Variants in LARGE1 observed in about 807,000 individuals in gnomAD.
LARGE1 encodes the protein xylosyl- and glucuronyltransferase LARGE1.
A neutral mutation model predicts 87.6 loss-of-function variants in LARGE1; 43 were observed. That is an observed-to-expected ratio of 0.49 (90% CI 0.38 to 0.63). LARGE1 has a LOEUF of 0.63. Ranked by LOEUF, LARGE1 falls within the 30% of genes least tolerant of loss-of-function variation. LARGE1 has a pLI of 0.00. For synonymous variants in LARGE1, 434 were observed against 394.6 expected, an observed-to-expected ratio of 1.10 and a Z score of -1.18; for missense variants, 802 against 1,000.2, an observed-to-expected ratio of 0.80 and a Z score of 2.67.
rs2077234099 is a variant in LARGE1, at chr22:33,542,228, CAG to C, written c.787+22618_787+22619del. Among the ~76,000 whole-genome samples, 23 of 151,634 alleles carry C rather than the reference CAG, an allele frequency of 1.5e-4. 1 individual carries two copies. Among genetic ancestry groups the C allele is most frequent in the African/African-American group, 5.6e-4 (23 of 41,348 alleles). ...TTGTAACTGCTACCAGATCTGTCTC[CAG>C]AGATATAGACTACAATCTAGCATGA... On this transcript the variant is annotated intron_variant, in intron 6 of 14. Transcript: ENST00000397394.
intron 6 of LARGE1, among the ~76,000 whole-genome samples, chr22:33,517,317 G>A (rs544875332): frequency 2.0e-5 from 3 of 152,070 alleles, no homozygotes; most frequent in Admixed American, 6.6e-5. Context: ...TACTAAAGAC[G>A]CACTCTAACC....
At chr22:33,115,644 C>T in the LARGE1 span, among the ~76,000 whole-genome samples, 15 of 151,674 alleles carry the variant, frequency 9.9e-5, no homozygotes, top group East Asian at 1.4e-3. Flanking sequence ...GGTGAAACCT[C>T]GTCTCTACTA....
In LARGE1 at chr22:33,304,570, T is replaced by C. The variant is rs1934616567; in HGVS notation, c.1452-63A>G. 3.4e-6 allele frequency: 5 copies of C among 1,480,536 alleles called. No individual in the cohort carries two copies. In the South Asian group the frequency reaches 6.6e-5, roughly 19 times the overall value. The allele number at this position is 1,480,536 out of a possible 1,614,324, so 91.7% of individuals were successfully genotyped here. A position where few individuals can be genotyped will look rare whatever the true frequency, so the allele number is the denominator to read the frequency against. The stretch of plus-strand genomic sequence containing the variant: ...CCATCCATGCATCATCCGCCGGGCC[T>C]GTTGTGGGGCTCTGCCTCCAGTGAC... On this transcript the variant is annotated intron_variant, in intron 11 of 14. Transcript: ENST00000397394.
intron 7 of LARGE1, among the ~76,000 whole-genome samples, chr22:33,421,600 G>A (rs1324605324): frequency 6.6e-6 from 1 of 152,218 alleles, no homozygotes; most frequent in Non-Finnish European, 1.5e-5. Context: ...CATTTACTGA[G>A]CATTTACTAT....
At chr22:33,490,667 C>T (rs1038092058) in intron 6 of LARGE1, among the ~76,000 whole-genome samples, 3 of 152,160 alleles carry the variant, frequency 2.0e-5, no homozygotes, top group African/African-American at 7.2e-5. Context: ...TACAGCTTCC[C>T]GGCTCACTAA....
At chr22:33,140,305 C>T in the LARGE1 span, among the ~76,000 whole-genome samples, 3 of 151,728 alleles carry the variant, frequency 2.0e-5, no homozygotes, top group Non-Finnish European at 4.4e-5. Flanking sequence ...AGCAGTGCTC[C>T]ATCATACAGA....
At chr22:33,456,194 A>G (rs1486279242) in intron 6 of LARGE1, among the ~76,000 whole-genome samples, 1 of 152,174 alleles carries the variant, frequency 6.6e-6, no homozygotes, top group Non-Finnish European at 1.5e-5. Flanking sequence ...TAATATTTCC[A>G]CAGAACAACC....
chr22:33,347,940 A>G (rs1233629961), intron 9 of LARGE1, among the ~76,000 whole-genome samples: 1 of 152,220 alleles, frequency 6.6e-6, no homozygotes, highest in Non-Finnish European at 1.5e-5. Context: ...GAGTCACCTT[A>G]CCAATGAAGA....
rs149179070 is a variant in LARGE1 at position 33,383,447 on chromosome 22, C to T, written c.1005+745G>A. 1.8e-3 allele frequency among the ~76,000 whole-genome samples: 280 copies of T among 152,120 alleles called. 1 individual carries two copies. Among genetic ancestry groups the T allele is most frequent in the African/African-American group, 6.4e-3 (266 of 41,506 alleles). ...TGGTGCTGCACGCCTGTAATCCTAG[C>T]GACTTGGGAGGCTGAGGCAGGAGAA... is the stretch of plus-strand genomic sequence containing the variant. On this transcript the variant is annotated intron_variant, in intron 8 of 14. Transcript: ENST00000397394.
intron 6 of LARGE1, among the ~76,000 whole-genome samples, chr22:33,519,227 T>TAC (rs543495623): frequency 0.12 from 15,969 of 135,960 alleles, 856 homozygotes; most frequent in East Asian, 0.19. Context: ...GCTGCGTGCG[T>TAC]GCGCGCGCGT....
intron 6 of LARGE1, among the ~76,000 whole-genome samples, chr22:33,553,844 C>T (rs1227166159): frequency 6.6e-6 from 1 of 152,132 alleles, no homozygotes. Context: ...AGATGTCTTT[C>T]CTCCCCCTTG....
chr22:33,726,567 G>A (rs990118734), intron 2 of LARGE1, among the ~76,000 whole-genome samples: 1 of 152,140 alleles, frequency 6.6e-6, no homozygotes, highest in South Asian at 2.1e-4. Flanking sequence ...AATGTCTTAT[G>A]ATATACTCCT....
intron 6 of LARGE1, among the ~76,000 whole-genome samples, chr22:33,542,026 G>A (rs1009341908): frequency 3.4e-4 from 52 of 151,986 alleles, no homozygotes; most frequent in African/African-American, 1.2e-3. Flanking sequence ...GCTGGGTGTG[G>A]TGGCGGCTGC....
At chr22:33,130,842 G>C in the LARGE1 span, among the ~76,000 whole-genome samples, 3 of 151,932 alleles carry the variant, frequency 2.0e-5, 1 homozygote, top group Admixed American at 1.3e-4. Flanking sequence ...TCAGGAGATA[G>C]AGACCACGGT....
chr22:33,230,792 A>G (rs547785337), intron 11 of LARGE1, among the ~76,000 whole-genome samples: 2 of 152,364 alleles, frequency 1.3e-5, no homozygotes, highest in Non-Finnish European at 2.9e-5. Flanking sequence ...AGGTAAGTTC[A>G]TAATAATTAT....
intron 2 of LARGE1, among the ~76,000 whole-genome samples, chr22:33,676,170 A>C (rs1052377851): frequency 1.2e-4 from 18 of 152,162 alleles, no homozygotes; most frequent in African/African-American, 4.3e-4. Flanking sequence ...TGCTCACTAT[A>C]CCGGCTGCAG....
At chr22:33,753,632 T>C (rs1196870390) in intron 2 of LARGE1, among the ~76,000 whole-genome samples, 3 of 152,190 alleles carry the variant, frequency 2.0e-5, no homozygotes, top group African/African-American at 7.2e-5. Context: ...GGCAACCACA[T>C]TTCTTGATTC....
chr22:33,794,168 GC>G (rs976926835), intron 1 of LARGE1, among the ~76,000 whole-genome samples: 17 of 152,124 alleles, frequency 1.1e-4, no homozygotes, highest in African/African-American at 3.9e-4. Context: ...ATGTAGTTGG[GC>G]CCCATGTGTC....
At chr22:33,572,311 A>G (rs2078230391) in intron 5 of LARGE1, 1 of 608,240 alleles carries the variant, frequency 1.6e-6, no homozygotes, top group African/African-American at 2.0e-5. Context: ...ATAATTGTTA[A>G]GAAACAGAAG....
Sources: allele counts gnomAD v4.1 joint callset (sites outside exome capture counted in the v4.1 genomes callset), GRCh38; gene constraint gnomAD v4.1.1; transcripts MANE v1.5; gene names NCBI Gene and HGNC (gene_info 2026-07-23, HGNC 2026-07-21).